Variants in PTPN4 observed in about 807,000 individuals in gnomAD.
PTPN4 encodes tyrosine-protein phosphatase non-receptor type 4.
A neutral mutation model predicts 135.5 loss-of-function variants in PTPN4; 49 were observed. That is an observed-to-expected ratio of 0.36 (90% CI 0.29 to 0.46). The LOEUF is 0.46. Ranked by LOEUF, PTPN4 falls within the 20% of genes least tolerant of loss-of-function variation. The probability of loss-of-function intolerance (pLI) is 1.00; values close to 1 mark genes in which losing one functional copy is unlikely to be tolerated. For synonymous variants in PTPN4, 333 were observed against 369.9 expected (o/e 0.90, Z 1.14); for missense variants, 860 against 1,101.0 (o/e 0.78, Z 3.10).
At chr2:119,878,838 A>C (rs550762997) in intron 5 of PTPN4, among the ~76,000 whole-genome samples, 154 of 152,184 alleles carry the variant, frequency 1.0e-3, no homozygotes, top group African/African-American at 3.6e-3. Context: ...TCACGCCTGT[A>C]ATCCCAGCAC....
intron 10 of PTPN4, among the ~76,000 whole-genome samples, chr2:119,911,226 A>G (rs1200248006): frequency 1.3e-5 from 2 of 152,128 alleles, no homozygotes; most frequent in Non-Finnish European, 2.9e-5. Flanking sequence ...GCAGTTACTC[A>G]TGAACATAGA....
chr2:119,966,281 C>T (rs1049790770), intron 25 of PTPN4, among the ~76,000 whole-genome samples: 3 of 151,964 alleles, frequency 2.0e-5, no homozygotes, highest in East Asian at 1.9e-4. Context: ...TTTTTTCAGT[C>T]GGAGTCTCAT....
In PTPN4 at chr2:119,863,179, G is replaced by C. The variant is rs142724180; in HGVS notation, c.246+536G>C. Reference sequence around the variant, plus strand: ...CTTATTCTTCAGTAATTGCAATTGTGGTTCTTTTAATTAGATAGATCACAT... The same window carrying C: ...CTTATTCTTCAGTAATTGCAATTGTCGTTCTTTTAATTAGATAGATCACAT... On this transcript the variant is annotated intron_variant, in intron 3 of 26. Transcript: ENST00000263708. 5.3e-5 allele frequency among the ~76,000 whole-genome samples: 8 copies of C among 152,064 alleles called. No homozygotes were observed. The East Asian group carries it at 1.4e-3, about 26-fold the overall frequency.
In PTPN4 at chr2:119,837,552, G is replaced by A. The variant is rs1677314120; in HGVS notation, c.139-24984G>A. On this transcript the variant is annotated intron_variant, in intron 2 of 26. Coordinates refer to ENST00000263708, the MANE Select transcript of PTPN4 (RefSeq NM_002830.4). ...CATACCTCATTCTTCCTGGAGGGAG[G>A]ACAAGAACTCTGGACCTGCTGAATG... Among the ~76,000 whole-genome samples the A allele has an allele frequency of 2.0e-5, 3 of 152,190 alleles. No homozygotes were observed. The South Asian group carries it at 6.2e-4, about 32-fold the overall frequency.
At chr2:119,973,655 G>GTT (rs70949378) in intron 26 of PTPN4, among the ~76,000 whole-genome samples, 2,610 of 38,296 alleles carry the variant, frequency 0.068, 720 homozygotes, top group Middle Eastern at 0.083. Context: ...TTCATTTCTT[G>GTT]TTTTTTTTTT....
chr2:119,925,428 G>A (rs1463127457), intron 12 of PTPN4, among the ~76,000 whole-genome samples: 3 of 152,276 alleles, frequency 2.0e-5, no homozygotes, highest in South Asian at 2.1e-4. Context: ...TAAGCTTTGC[G>A]TTTGTAGTCC....
At chr2:119,797,003 A>G (rs1691275688) in intron 1 of PTPN4, among the ~76,000 whole-genome samples, 2 of 151,994 alleles carry the variant, frequency 1.3e-5, no homozygotes, top group East Asian at 1.9e-4. Context: ...TGCCATCCAT[A>G]TATCTTCTTT....
chr2:119,898,627 G>A (rs1385422837), intron 9 of PTPN4, among the ~76,000 whole-genome samples: 3 of 152,018 alleles, frequency 2.0e-5, no homozygotes, highest in Admixed American at 6.6e-5. Context: ...TTATTTATTA[G>A]ATTTATAGTA....
rs149656727 is a variant in PTPN4, at chr2:119,928,577, A to G, written c.1070+1911A>G. On this transcript the variant is annotated intron_variant, in intron 13 of 26. Coordinates refer to ENST00000263708, the MANE Select transcript of PTPN4 (RefSeq NM_002830.4). ...TCATGAGTTGTCTTCTAATCAAAAA[A>G]TCCTATAATTTAAACCTGTGATAAT... Among the ~76,000 whole-genome samples, 97 of 152,290 alleles carry G rather than the reference A, an allele frequency of 6.4e-4. 1 individual carries two copies. Among genetic ancestry groups the G allele is most frequent in the Admixed American group, 6.0e-3 (92 of 15,300 alleles).
chr2:119,945,052 ACAACTTC>A, intron 15 of PTPN4, 22 bp from the exon 16 acceptor site: 2 of 1,557,116 alleles, frequency 1.3e-6, no homozygotes, highest in Non-Finnish European at 8.6e-7. Flanking sequence ...AAGTTATGAA[ACAACTTC>A]CAAATTTGTT....
intron 13 of PTPN4, among the ~76,000 whole-genome samples, chr2:119,931,393 A>T (rs184440373): frequency 2.5e-3 from 353 of 140,224 alleles, no homozygotes; most frequent in African/African-American, 8.8e-3. Context: ...GTATCTTTTG[A>T]TCTGAATGAA....
rs548363567 is a variant in PTPN4, at chr2:119,938,970, T to TA, written c.1355+4016dup. Among the ~76,000 whole-genome samples, 8 of 152,352 alleles carry TA rather than the reference T, an allele frequency of 5.3e-5. No homozygotes were observed. In the East Asian group the frequency reaches 1.5e-3, roughly 29 times the overall value. On this transcript the variant is annotated intron_variant, in intron 15 of 26. Coordinates refer to ENST00000263708, the MANE Select transcript of PTPN4 (RefSeq NM_002830.4). ...ACAAGCTCTGGATTCAGACTAGGTTTAAAACGTGGTTCCACTACTTCTAAT... is the reference window on the plus strand; with the variant it reads ...ACAAGCTCTGGATTCAGACTAGGTTTAAAAACGTGGTTCCACTACTTCTAAT...
chr2:119,891,259 G>T (rs1166676574), intron 9 of PTPN4, among the ~76,000 whole-genome samples: 1 of 152,094 alleles, frequency 6.6e-6, no homozygotes, highest in African/African-American at 2.4e-5. Flanking sequence ...GTAGGCTATT[G>T]TTGAAGTTTT....
chr2:119,895,788 G>A (rs1268118355), intron 9 of PTPN4, among the ~76,000 whole-genome samples: 4 of 152,078 alleles, frequency 2.6e-5, no homozygotes, highest in South Asian at 2.1e-4. Flanking sequence ...GGGCGCGGTG[G>A]CGGGCTCAGT....
intron 2 of PTPN4, among the ~76,000 whole-genome samples, chr2:119,862,241 A>C (rs1466321137): frequency 1.3e-5 from 2 of 152,188 alleles, no homozygotes; most frequent in African/African-American, 2.4e-5. Flanking sequence ...TGTTTTCTAA[A>C]AGTGCTGTGT....
At chr2:119,892,605 A>C (rs1413765611) in intron 9 of PTPN4, among the ~76,000 whole-genome samples, 2 of 152,208 alleles carry the variant, frequency 1.3e-5, no homozygotes, top group East Asian at 3.8e-4. Context: ...TGTATATAGC[A>C]GTTCAAATAA....
chr2:119,810,338 C>T (rs906582928), intron 2 of PTPN4, among the ~76,000 whole-genome samples: 4 of 152,136 alleles, frequency 2.6e-5, no homozygotes, highest in Non-Finnish European at 5.9e-5. Flanking sequence ...CTTGTACTGT[C>T]TGTGAGTAAA....
intron 26 of PTPN4, among the ~76,000 whole-genome samples, chr2:119,968,933 T>G (rs1350724250): frequency 6.6e-6 from 1 of 152,240 alleles, no homozygotes; most frequent in Non-Finnish European, 1.5e-5. Flanking sequence ...TCTTTTGCAC[T>G]GATTAAGACA....
Position 119,955,168 on chromosome 2 carries a change from G to A in PTPN4, c.1825G>A (p.Val609Ile), listed in dbSNP as rs1371380210. The change falls in exon 20 of 27, where the codon GTA becomes ATA. Residue 609 changes from valine (V) to isoleucine (I), a missense_variant. Physicochemically the swap from Val to Ile is conservative, Grantham distance 29. Coordinates refer to ENST00000263708, the MANE Select transcript of PTPN4 (RefSeq NM_002830.4). The part of the protein sequence containing the change: ...LLVRPNAVYD[V>I]VEEKLENEPD... ...TTTTTTTTTTTTAGCTGTATATGAT[G>A]TAGTGGAAGAAAAGCTAGAAAATGA... is the stretch of plus-strand genomic sequence containing the variant. 2.5e-6 allele frequency: 4 copies of A among 1,605,246 alleles called. No homozygotes were observed. Among genetic ancestry groups the A allele is most frequent in the South Asian group, 1.1e-5 (1 of 89,198 alleles).
Sources: gnomAD v4.1 joint callset for allele counts (sites outside exome capture counted in the v4.1 genomes callset) on GRCh38, gnomAD v4.1.1 for gene constraint, MANE v1.5 for transcripts, NCBI Gene and HGNC (gene_info 2026-07-23, HGNC 2026-07-21) for gene names.